The following NEMF variants were observed in gnomAD, a reference collection of about 807,000 sequenced individuals.
NEMF encodes nuclear export mediator factor.
In NEMF, 89 loss-of-function variants were observed where a neutral mutation model predicts 162.2. The ratio of observed to expected loss-of-function variants is 0.55; its 90% CI spans 0.46 to 0.65. The LOEUF is 0.65. Ranked by LOEUF, NEMF falls within the 30% of genes least tolerant of loss-of-function variation. The pLI, the probability that NEMF is intolerant of heterozygous loss-of-function variation, is 0.00. For synonymous variants in NEMF, 421 were observed against 404.5 expected (o/e 1.04, Z -0.49); for missense variants, 1,133 against 1,261.9 (o/e 0.90, Z 1.55).
In NEMF at chr14:49,820,499, T is replaced by G. The variant is rs531593732; in HGVS notation, c.1577+5368A>C. Reference sequence around the variant, plus strand: ...AGAGCTAATAATCGGCTGGGCGCGGTGGCTCATGCCTATAATCCCGGCACT... The same window carrying G: ...AGAGCTAATAATCGGCTGGGCGCGGGGGCTCATGCCTATAATCCCGGCACT... On this transcript the variant is annotated intron_variant, in intron 16 of 32. Transcript: ENST00000298310. 658 of 456,556 alleles carry G rather than the reference T, an allele frequency of 1.4e-3. 3 individuals are homozygous for G. Among genetic ancestry groups the G allele is most frequent in the African/African-American group, 9.7e-3 (487 of 50,164 alleles). The allele number at this position is 456,556 out of a possible 1,614,324, so 28.3% of individuals were successfully genotyped here.
At chr14:49,809,985 C>A (rs1054118596) in intron 18 of NEMF, among the ~76,000 whole-genome samples, 3 of 151,840 alleles carry the variant, frequency 2.0e-5, no homozygotes, top group Non-Finnish European at 2.9e-5. Context: ...GGGGAGGCTA[C>A]GCATGCATGC....
chr14:49,792,119 G>A (rs967624899), intron 26 of NEMF, among the ~76,000 whole-genome samples: 3 of 151,766 alleles, frequency 2.0e-5, no homozygotes, highest in South Asian at 4.2e-4. Context: ...TCCCAGCCTG[G>A]GCAACAAAGT....
chr14:49,797,644 C>G (rs943129511), intron 25 of NEMF, among the ~76,000 whole-genome samples: 3 of 152,002 alleles, frequency 2.0e-5, no homozygotes, highest in African/African-American at 4.8e-5. Context: ...TCAAAAAAAA[C>G]AAAAAACAAA....
At chr14:49,795,722 C>T (rs1890661414) in intron 26 of NEMF, 69 bp downstream of exon 26, 7 of 1,451,946 alleles carry the variant, frequency 4.8e-6, no homozygotes, top group Non-Finnish European at 6.6e-6. Flanking sequence ...TATTTCACTT[C>T]AACTTTAAAA....
chr14:49,837,638 A>T (rs1478089157), intron 6 of NEMF, among the ~76,000 whole-genome samples: 1 of 152,118 alleles, frequency 6.6e-6, no homozygotes, highest in Admixed American at 6.6e-5. Flanking sequence ...ATAAGAGAGG[A>T]AGAGTTAACT....
chr14:49,829,298 C>T, intron 12 of NEMF, 36 bp from the exon 13 acceptor site: 1 of 1,612,800 alleles, frequency 6.2e-7, no homozygotes, highest in Non-Finnish European at 8.5e-7. Flanking sequence ...ACTACATTGC[C>T]AGTTAAAGTT....
chr14:49,847,455 C>T (rs1029287712), intron 3 of NEMF, among the ~76,000 whole-genome samples: 65 of 151,970 alleles, frequency 4.3e-4, no homozygotes, highest in Admixed American at 8.5e-4. Context: ...CTGCCCACCT[C>T]GGCCTCCCAA....
At chr14:49,841,889 T>C (rs1271607260) in intron 4 of NEMF, among the ~76,000 whole-genome samples, 2 of 152,154 alleles carry the variant, frequency 1.3e-5, no homozygotes, top group Non-Finnish European at 2.9e-5. Flanking sequence ...GCAGATCACC[T>C]GAGGTCCGGA....
intron 11 of NEMF, 75 bp from the exon 12 acceptor site, chr14:49,829,501 A>G: frequency 8.4e-7 from 1 of 1,193,858 alleles, no homozygotes; most frequent in South Asian, 1.3e-5. Flanking sequence ...ACTTCCCAAC[A>G]CTCACTATCC....
chr14:49,794,064 G>A (rs115361278), intron 26 of NEMF, among the ~76,000 whole-genome samples: 2,455 of 151,944 alleles, frequency 0.016, 59 homozygotes, highest in African/African-American at 0.056. Flanking sequence ...ATTTTATCAC[G>A]TACTAAAATG....
At chr14:49,829,030 T>C in intron 13 of NEMF, 24 bp downstream of exon 13, 1 of 1,590,758 alleles carries the variant, frequency 6.3e-7, no homozygotes, top group African/African-American at 1.3e-5. Flanking sequence ...AAGCATTAAC[T>C]GCTTGACTAA....
chr14:49,831,484 C>T lies in NEMF; in HGVS notation c.883-123G>A, dbSNP rs915423102. The T allele has an allele frequency of 4.2e-4, 274 of 649,410 alleles. 1 individual carries two copies. The highest frequency in any genetic ancestry group is 8.9e-4 in the Middle Eastern group (2 of 2,256). 40.2% of individuals were successfully genotyped at this position (649,410 alleles called of 1,614,324 possible). A position where few individuals can be genotyped will look rare whatever the true frequency, so the allele number is the denominator to read the frequency against. ...ACAGAGTCTCACTCTGTTGCCCAGG[C>T]GGGACTGCAGTGGCGCGATCTAGGC... On this transcript the variant is annotated intron_variant, in intron 10 of 32. Coordinates refer to ENST00000298310, the MANE Select transcript of NEMF (RefSeq NM_004713.6).
intron 11 of NEMF, among the ~76,000 whole-genome samples, chr14:49,830,341 T>C (rs1276294305): frequency 6.6e-6 from 1 of 152,202 alleles, no homozygotes; most frequent in Non-Finnish European, 1.5e-5. Context: ...AATTGTGCTA[T>C]GATTAACTAA....
intron 10 of NEMF, 40 bp from the exon 11 acceptor site, chr14:49,831,401 C>A: frequency 8.4e-7 from 1 of 1,189,688 alleles, no homozygotes; most frequent in Non-Finnish European, 1.2e-6. Flanking sequence ...AAAAAAAGCA[C>A]AGTCTCTACT....
At chr14:49,814,163 G>C (rs1318416450) in intron 17 of NEMF, 113 bp from the exon 18 acceptor site, 2 of 629,564 alleles carry the variant, frequency 3.2e-6, no homozygotes, top group Non-Finnish European at 5.7e-6. Flanking sequence ...GCAGTGGCAC[G>C]ATTTCAGCTC....
At chr14:49,797,142 G>A (rs1890727215) in intron 25 of NEMF, among the ~76,000 whole-genome samples, 1 of 152,136 alleles carries the variant, frequency 6.6e-6, no homozygotes, top group Non-Finnish European at 1.5e-5. Flanking sequence ...CTAGCACAGG[G>A]CTATGTGCTC....
At chr14:49,810,195 C>T (rs1205635030) in intron 18 of NEMF, among the ~76,000 whole-genome samples, 1 of 151,606 alleles carries the variant, frequency 6.6e-6, no homozygotes, top group East Asian at 1.9e-4. Context: ...GGTGAAAACT[C>T]GTCTCTACTA....
chr14:49,805,724 G>T (rs1891156049), intron 19 of NEMF, among the ~76,000 whole-genome samples: 1 of 152,082 alleles, frequency 6.6e-6, no homozygotes, highest in African/African-American at 2.4e-5. Flanking sequence ...TCTTTATCCT[G>T]TATAATTGTG....
intron 16 of NEMF, among the ~76,000 whole-genome samples, chr14:49,823,093 C>G (rs1892164005): frequency 6.6e-6 from 1 of 151,958 alleles, no homozygotes; most frequent in Non-Finnish European, 1.5e-5. Context: ...CCTGCCACCA[C>G]ACTCAGCTAA....
Sources: allele counts gnomAD v4.1 joint callset (sites outside exome capture counted in the v4.1 genomes callset), GRCh38; gene constraint gnomAD v4.1.1; transcripts MANE v1.5; gene names NCBI Gene and HGNC (gene_info 2026-07-23, HGNC 2026-07-21).